AP1G1: variants seen among roughly 807,000 people sequenced by gnomAD.
The protein encoded by AP1G1 is adaptor related protein complex 1 subunit gamma 1.
Under a neutral mutation model 108.3 loss-of-function variants are expected in AP1G1, and 7 were observed. That is an observed-to-expected ratio of 0.06 (90% CI 0.04 to 0.12). AP1G1 has a LOEUF of 0.12. Among genes scored for constraint, AP1G1 ranks in the 10% least tolerant of loss-of-function variants. The pLI, the probability that AP1G1 is intolerant of heterozygous loss-of-function variation, is 1.00. For missense variants in AP1G1, 756 were observed against 1,010.7 expected (o/e 0.75, Z 3.42); for synonymous variants, 379 against 353.5 (o/e 1.07, Z -0.81).
intron 2 of AP1G1, among the ~76,000 whole-genome samples, chr16:71,779,647 T>C (rs1422848294): frequency 6.6e-6 from 1 of 152,126 alleles, no homozygotes; most frequent in African/African-American, 2.4e-5. Context: ...GCCAAATGGC[T>C]CTTAATGTTA....
At chr16:71,807,515 G>A (rs2033035277) in intron 1 of AP1G1, among the ~76,000 whole-genome samples, 1 of 152,214 alleles carries the variant, frequency 6.6e-6, no homozygotes, top group African/African-American at 2.4e-5. Flanking sequence ...AAAGTGACGA[G>A]ATTACGAGTA....
intron 2 of AP1G1, among the ~76,000 whole-genome samples, chr16:71,782,280 C>T (rs1048888625): frequency 1.3e-5 from 2 of 151,950 alleles, no homozygotes; most frequent in Non-Finnish European, 2.9e-5. Context: ...TCTCAAGCCT[C>T]AGCCTCCGGA....
chr16:71,807,451 T>C (rs2142295918), intron 1 of AP1G1, among the ~76,000 whole-genome samples: 1 of 152,208 alleles, frequency 6.6e-6, no homozygotes, highest in African/African-American at 2.4e-5. Flanking sequence ...TAAATAAAAA[T>C]AAAGACATAC....
In AP1G1 at chr16:71,729,392, A is replaced by G. The variant is rs1283446973; in HGVS notation, c.*3666T>C. The stretch of plus-strand genomic sequence containing the variant: ...TGGGGCCCCCAAATGGAAAACAAAA[A>G]CAAAACACACAAAGCGCAACCGCAG... On this transcript the variant is annotated 3_prime_UTR_variant, in exon 23 of 23. Transcript: ENST00000299980. 4 of 151,732 alleles carry G rather than the reference A, an allele frequency of 2.6e-5. No individual in the cohort carries two copies. The highest frequency in any genetic ancestry group is 6.6e-5 in the Admixed American group (1 of 15,198). The allele number at this position is 151,732 out of a possible 1,614,324, so 9.4% of individuals were successfully genotyped here. A position where few individuals can be genotyped will look rare whatever the true frequency, so the allele number is the denominator to read the frequency against.
intron 10 of AP1G1, among the ~76,000 whole-genome samples, chr16:71,760,230 CTTTT>C (rs58466690): frequency 1.1e-4 from 14 of 129,968 alleles, no homozygotes; most frequent in East Asian, 2.3e-4. Flanking sequence ...ATTTCCACAT[CTTTT>C]TTTTTTTTTT....
rs376898642 is a variant in AP1G1, at chr16:71,803,634, CT to C, written c.-4+5128del. ...GTGAAGAAAAAAACTTAACACGTATCTTCAAAGTAAAAATGACACCTCATTC... is the reference window on the plus strand; with the variant it reads ...GTGAAGAAAAAAACTTAACACGTATCTCAAAGTAAAAATGACACCTCATTC... On this transcript the variant is annotated intron_variant, in intron 1 of 22. Transcript: ENST00000299980. 9.5e-4 allele frequency among the ~76,000 whole-genome samples: 144 copies of C among 152,140 alleles called. 2 individuals are homozygous for C. The South Asian group carries it at 0.026, about 28-fold the overall frequency.
intron 2 of AP1G1, among the ~76,000 whole-genome samples, chr16:71,783,242 A>G (rs2032088537): frequency 6.6e-6 from 1 of 152,192 alleles, no homozygotes; most frequent in Admixed American, 6.5e-5. Flanking sequence ...TAATAAGAAA[A>G]TAAGAAAATG....
At chr16:71,754,771 G>T (rs996439045) in intron 12 of AP1G1, among the ~76,000 whole-genome samples, 1 of 151,704 alleles carries the variant, frequency 6.6e-6, no homozygotes, top group African/African-American at 2.4e-5. Context: ...CTGCCCTCCA[G>T]CCTGGGTGAC....
chr16:71,798,323 C>T (rs1597090018), intron 1 of AP1G1, among the ~76,000 whole-genome samples: 1 of 152,100 alleles, frequency 6.6e-6, no homozygotes, highest in Non-Finnish European at 1.5e-5. Context: ...CTTACCCTAC[C>T]GAGTAGCCAG....
chr16:71,785,298 T>C (rs2032159050), intron 2 of AP1G1, among the ~76,000 whole-genome samples: 1 of 152,140 alleles, frequency 6.6e-6, no homozygotes, highest in African/African-American at 2.4e-5. Flanking sequence ...ATAACTAGGC[T>C]GGGTGTGGTG....
At chr16:71,772,784 A>G (rs751610668) in intron 4 of AP1G1, among the ~76,000 whole-genome samples, 1 of 152,210 alleles carries the variant, frequency 6.6e-6, no homozygotes, top group Non-Finnish European at 1.5e-5. Context: ...AATCAGATAG[A>G]AGAATAATTC....
In AP1G1 at chr16:71,802,292, AGTCT is replaced by A. The variant is rs531377451; in HGVS notation, c.-4+6467_-4+6470del. On this transcript the variant is annotated intron_variant, in intron 1 of 22. Transcript: ENST00000299980. ...TTTACTTACCTCTTTTTTTTGAGAC[AGTCT>A]ATCTCTGTCACCCAGGCTGGAGTGC... Among the ~76,000 whole-genome samples, 95 of 152,148 alleles carry A rather than the reference AGTCT, an allele frequency of 6.2e-4. 2 individuals are homozygous for A. In the Middle Eastern group the frequency reaches 0.014, roughly 22 times the overall value.
chr16:71,744,826 T>G (rs2030088180), intron 19 of AP1G1, among the ~76,000 whole-genome samples: 1 of 152,156 alleles, frequency 6.6e-6, no homozygotes, highest in Admixed American at 6.6e-5. Context: ...TCCACCTGCC[T>G]CTGCCTCCCA....
chr16:71,750,000 C>A lies in AP1G1; in HGVS notation c.1408-17G>T. 1 of 1,594,384 alleles carries A rather than the reference C, an allele frequency of 6.3e-7. No homozygotes were observed. Among genetic ancestry groups the A allele is most frequent in the South Asian group, 1.1e-5 (1 of 90,474 alleles). On this transcript the variant is annotated splice_polypyrimidine_tract_variant and intron_variant, in intron 14 of 22. Coordinates refer to ENST00000299980, the MANE Select transcript of AP1G1 (RefSeq NM_001128.6). ...CAAAGGTTGCTGTGAAAAGAAAAGT[C>A]AACGTTTCTCAAGAACTTCAATTTT... is the stretch of plus-strand genomic sequence containing the variant.
At position 71,807,835 on chromosome 16, in the gene AP1G1, C is replaced by T. The variant is rs2033046202; in HGVS notation, c.-4+928G>A. ...ATATTTTTCTCCATGGACAGATTTC[C>T]GTGCTCAGGGATATATAATAGGGGA... On this transcript the variant is annotated intron_variant, in intron 1 of 22. Coordinates refer to ENST00000299980, the MANE Select transcript of AP1G1 (RefSeq NM_001128.6). 4 of 1,289,060 alleles carry T rather than the reference C, an allele frequency of 3.1e-6. No individual in the cohort carries two copies. The African/African-American group carries it at 6.1e-5, about 20-fold the overall frequency. 79.9% of individuals were successfully genotyped at this position (1,289,060 alleles called of 1,614,324 possible).
chr16:71,787,910 T>C (rs2032265954), intron 2 of AP1G1, among the ~76,000 whole-genome samples: 1 of 152,248 alleles, frequency 6.6e-6, no homozygotes. Flanking sequence ...ACACTAATTC[T>C]GTCCCAAACC....
intron 2 of AP1G1, among the ~76,000 whole-genome samples, chr16:71,786,516 A>T (rs1192497123): frequency 6.6e-6 from 1 of 152,008 alleles, no homozygotes; most frequent in Admixed American, 6.6e-5. Context: ...GCTGGAGTAC[A>T]GTGGCACGAT....
intron 7 of AP1G1, among the ~76,000 whole-genome samples, chr16:71,765,029 A>C (rs2031255558): frequency 6.6e-6 from 1 of 152,216 alleles, no homozygotes; most frequent in Non-Finnish European, 1.5e-5. Context: ...CAAATAATAA[A>C]TGATTTTGAC....
Position 71,771,177 on chromosome 16 carries a change from A to C in AP1G1, c.544T>G (p.Leu182Val). The C allele has an allele frequency of 6.2e-7, 1 of 1,607,340 alleles. No homozygotes were observed. The highest frequency in any genetic ancestry group is 8.5e-7 in the Non-Finnish European group (1 of 1,175,434). Residue 182 changes from leucine to valine, a missense_variant, in exon 5 of 23, where the codon TTA becomes GTA. This residue lies in a region of AP1G1 where 304 missense variants were observed against 483.6 expected (regional missense o/e 0.63). Coordinates refer to ENST00000299980, the MANE Select transcript of AP1G1 (RefSeq NM_001128.6). ...MEMFLPATKN[L>V]LNEKNHGVLH... ...TTACCATGGTTCTTCTCATTCAATA[A>C]ATTTTTTGTTGCTGGTAAAAACATC...
Sources: allele counts gnomAD v4.1 joint callset (sites outside exome capture counted in the v4.1 genomes callset), GRCh38; gene constraint gnomAD v4.1.1; regional missense constraint gnomAD v4.1.1; transcripts MANE v1.5; gene names NCBI Gene and HGNC (gene_info 2026-07-23, HGNC 2026-07-21).